PLCL2: variants seen among roughly 807,000 people sequenced by gnomAD.
The protein encoded by PLCL2 is inactive phospholipase C-like protein 2.
PLCL2 carries 4 observed loss-of-function variants against 79.6 expected under a neutral mutation model. The ratio of observed to expected loss-of-function variants is 0.05; its 90% CI spans 0.02 to 0.11. The LOEUF is 0.11. PLCL2 is among the 10% of genes least tolerant of loss of function. PLCL2 has a pLI of 1.00. For missense variants in PLCL2, 895 were observed against 1,291.0 expected (o/e 0.69, Z 4.70); for synonymous variants, 484 against 457.7 (o/e 1.06, Z -0.73).
intron 1 of PLCL2, among the ~76,000 whole-genome samples, chr3:16,980,117 G>A (rs1284495321): frequency 0.022 from 1,597 of 73,692 alleles, 203 homozygotes; most frequent in Middle Eastern, 0.077. Context: ...CCTCCCTCCC[G>A]GACGGGGCAG....
At chr3:17,069,862 T>C (rs2065046219) in intron 5 of PLCL2, among the ~76,000 whole-genome samples, 1 of 152,232 alleles carries the variant, frequency 6.6e-6, no homozygotes, top group Non-Finnish European at 1.5e-5. Context: ...CCTATTTTGC[T>C]TATACTTTAA....
At chr3:16,974,776 C>G (rs1218867069) in intron 1 of PLCL2, among the ~76,000 whole-genome samples, 1 of 152,142 alleles carries the variant, frequency 6.6e-6, no homozygotes, top group African/African-American at 2.4e-5. Flanking sequence ...AAGTCTAAGT[C>G]CAAAAGTGTT....
chr3:16,929,522 T>C lies in PLCL2; in HGVS notation c.327+44156T>C, dbSNP rs1275050388. ...TAACTTTTAGAGAAAGCCTCCCAAA[T>C]CTAACTTTATTGAACAGCAGCCATT... On this transcript the variant is annotated intron_variant, in intron 1 of 5. Coordinates refer to ENST00000615277, the MANE Select transcript of PLCL2 (RefSeq NM_001144382.2). Among the ~76,000 whole-genome samples, 8 of 152,252 alleles carry C rather than the reference T, an allele frequency of 5.3e-5. No homozygotes were observed. The South Asian group carries it at 1.7e-3, about 32-fold the overall frequency.
At position 17,051,642 on chromosome 3, in the gene PLCL2, T is replaced by A. The variant is rs191714693; in HGVS notation, c.3094+8693T>A. 3.9e-5 allele frequency among the ~76,000 whole-genome samples: 6 copies of A among 152,254 alleles called. No individual in the cohort carries two copies. The East Asian group carries it at 9.7e-4, about 25-fold the overall frequency. On this transcript the variant is annotated intron_variant, in intron 4 of 5. Coordinates refer to ENST00000615277, the MANE Select transcript of PLCL2 (RefSeq NM_001144382.2). ...GGCTAACTCTACTGTTTTGTGCAGA[T>A]GCAGTCAGGTTTATGGTCAGGACTG...
chr3:16,962,799 CCTT>C (rs562881999), intron 1 of PLCL2, among the ~76,000 whole-genome samples: 8 of 152,116 alleles, frequency 5.3e-5, no homozygotes, highest in Non-Finnish European at 2.9e-5. Flanking sequence ...ATTGAAATCT[CCTT>C]CTTATTCCTA....
At chr3:17,071,563 G>A (rs994471423) in intron 5 of PLCL2, among the ~76,000 whole-genome samples, 1 of 152,040 alleles carries the variant, frequency 6.6e-6, no homozygotes, top group Non-Finnish European at 1.5e-5. Flanking sequence ...TTAGACGTAG[G>A]TGACTTTATT....
chr3:17,057,334 A>C (rs1255082305), intron 4 of PLCL2, among the ~76,000 whole-genome samples: 1 of 152,160 alleles, frequency 6.6e-6, no homozygotes, highest in African/African-American at 2.4e-5. Flanking sequence ...TCAGTGTCTT[A>C]AAGACTTCGG....
chr3:16,909,003 C>T (rs1002576283), intron 1 of PLCL2, among the ~76,000 whole-genome samples: 13 of 151,940 alleles, frequency 8.6e-5, no homozygotes, highest in Admixed American at 3.9e-4. Flanking sequence ...TATTTTTTCC[C>T]GTATTATAAA....
rs1182795779 is a variant in PLCL2, at chr3:16,887,374, T to C, written c.327+2008T>C. On this transcript the variant is annotated intron_variant, in intron 1 of 5. Coordinates refer to ENST00000615277, the MANE Select transcript of PLCL2 (RefSeq NM_001144382.2). This position sits in a 1 kb window ranked among gnomAD's most constrained non-coding sequence, Gnocchi z 4.1. ...GAATGGAGAAAGTACATGTTTTCTC[T>C]GAGTTCTGTTAATTTATAAAACAAT... is the stretch of plus-strand genomic sequence containing the variant. 6.6e-6 allele frequency among the ~76,000 whole-genome samples: 1 copy of C among 152,260 alleles called. No individual in the cohort carries two copies. The highest frequency in any genetic ancestry group is 2.4e-5 in the African/African-American group (1 of 41,478).
intron 5 of PLCL2, among the ~76,000 whole-genome samples, chr3:17,080,565 C>T (rs533765831): frequency 6.6e-6 from 1 of 152,288 alleles, no homozygotes; most frequent in Non-Finnish European, 1.5e-5. Context: ...ATTCTCCTGC[C>T]TCAGCCTCCC....
At chr3:17,025,059 T>A (rs2064500034) in intron 3 of PLCL2, among the ~76,000 whole-genome samples, 1 of 152,180 alleles carries the variant, frequency 6.6e-6, no homozygotes, top group Admixed American at 6.6e-5. Context: ...ATTTAATTAG[T>A]TGTCCTAATG....
At chr3:17,062,088 T>C (rs2064958865) in intron 4 of PLCL2, among the ~76,000 whole-genome samples, 1 of 152,156 alleles carries the variant, frequency 6.6e-6, no homozygotes, top group African/African-American at 2.4e-5. Context: ...AACCTAATGG[T>C]TGGTTCTTTG....
intron 1 of PLCL2, among the ~76,000 whole-genome samples, chr3:16,893,801 G>A (rs957903603): frequency 2.6e-5 from 4 of 152,178 alleles, no homozygotes; most frequent in East Asian, 1.9e-4. Flanking sequence ...GTGTACACAT[G>A]CTATACTTGT....
At chr3:17,027,780 G>T (rs887697451) in intron 3 of PLCL2, among the ~76,000 whole-genome samples, 1 of 152,132 alleles carries the variant, frequency 6.6e-6, no homozygotes, top group Non-Finnish European at 1.5e-5. Context: ...TCCTCTGCTG[G>T]AAAAAGCAAT....
chr3:16,988,111 T>C (rs376577023), intron 1 of PLCL2, among the ~76,000 whole-genome samples: 1 of 152,132 alleles, frequency 6.6e-6, no homozygotes, highest in African/African-American at 2.4e-5. Context: ...CCAATGAAGA[T>C]TTTTTGCTAA....
chr3:16,988,545 C>T (rs1375164717), intron 1 of PLCL2, among the ~76,000 whole-genome samples: 1 of 152,072 alleles, frequency 6.6e-6, no homozygotes, highest in Non-Finnish European at 1.5e-5. Context: ...TTTCAGTGGA[C>T]AGTGGCATCG....
At chr3:17,030,040 T>TG (rs1423469987) in intron 3 of PLCL2, among the ~76,000 whole-genome samples, 1 of 152,168 alleles carries the variant, frequency 6.6e-6, no homozygotes, top group East Asian at 1.9e-4. Context: ...GAGCCCCTGC[T>TG]AATGAGCTAG....
At chr3:16,922,743 A>G (rs1346913734) in intron 1 of PLCL2, among the ~76,000 whole-genome samples, 1 of 147,454 alleles carries the variant, frequency 6.8e-6, no homozygotes, top group Non-Finnish European at 1.5e-5. Flanking sequence ...TTAAGAAAAA[A>G]TATATTAAGA....
intron 3 of PLCL2, among the ~76,000 whole-genome samples, chr3:17,036,453 G>C (rs191084479): frequency 2.2e-3 from 330 of 152,284 alleles, no homozygotes; most frequent in African/African-American, 7.7e-3. Flanking sequence ...CAGTTGAGAA[G>C]TCTCAAATCC....
Sources: gnomAD v4.1 joint callset for allele counts (sites outside exome capture counted in the v4.1 genomes callset) on GRCh38, gnomAD v4.1.1 for gene constraint, Gnocchi (gnomAD v3.1) non-coding constraint, MANE v1.5 for transcripts, NCBI Gene and HGNC (gene_info 2026-07-23, HGNC 2026-07-21) for gene names.